LMF1: variants seen among roughly 807,000 people sequenced by gnomAD.
LMF1 encodes lipase maturation factor 1.
Under a neutral mutation model 60.6 loss-of-function variants are expected in LMF1, and 68 were observed. That is an observed-to-expected ratio of 1.12 (90% CI 0.92 to 1.37). LMF1 has a LOEUF of 1.37. LMF1 is among the 40% of genes most tolerant of loss of function. The pLI, the probability that LMF1 is intolerant of heterozygous loss-of-function variation, is 0.00. For synonymous variants in LMF1, 418 were observed against 324.7 expected (o/e 1.29, Z -3.09); for missense variants, 948 against 767.2 (o/e 1.24, Z -2.78).
At chr16:930,235 C>T (rs940474190) in intron 3 of LMF1, among the ~76,000 whole-genome samples, 14 of 140,088 alleles carry the variant, frequency 1.0e-4, no homozygotes, top group African/African-American at 3.3e-4. Context: ...ACACAGAGCC[C>T]AGGACAGCAG....
chr16:870,150 C>A (rs2069739596), intron 8 of LMF1, 84 bp from the exon 9 acceptor site: 1 of 1,445,742 alleles, frequency 6.9e-7, no homozygotes, highest in South Asian at 1.3e-5. Context: ...GGTTCCCCGA[C>A]TGTCCATCCT....
intron 2 of LMF1, among the ~76,000 whole-genome samples, chr16:936,135 G>A (rs1257006860): frequency 6.7e-6 from 1 of 149,214 alleles, no homozygotes; most frequent in Non-Finnish European, 1.5e-5. Context: ...GGGAGAGAGG[G>A]CACCCCGTGG....
intron 10 of LMF1, chr16:855,141 T>A: frequency 3.6e-6 from 1 of 274,592 alleles, no homozygotes; most frequent in Non-Finnish European, 7.2e-6. Flanking sequence ...ATCAGGCCAG[T>A]CCTGGCGCAA....
chr16:978,259 C>T (rs900488900), intron 1 of LMF1, among the ~76,000 whole-genome samples: 4 of 149,718 alleles, frequency 2.7e-5, no homozygotes, highest in Non-Finnish European at 4.5e-5. Flanking sequence ...ATACACGCAC[C>T]ATACACACTA....
At chr16:913,104 G>T (rs4984716) in intron 3 of LMF1, among the ~76,000 whole-genome samples, 1 of 152,088 alleles carries the variant, frequency 6.6e-6, no homozygotes, top group African/African-American at 2.4e-5. Flanking sequence ...AGCTGCACGC[G>T]CTGCCTGCTG....
At position 954,935 on chromosome 16, in the gene LMF1, C is replaced by T. The variant is rs71384617; in HGVS notation, c.194-269G>A. On this transcript the variant is annotated intron_variant, in intron 1 of 10. Transcript: ENST00000262301. The stretch of plus-strand genomic sequence containing the variant: ...AGACACGTTACATAAAATGCGTGCC[C>T]GCAGCAGACGCGGTGTGTGCATCCA... Among the ~76,000 whole-genome samples, 36,492 of 97,758 alleles carry T rather than the reference C, an allele frequency of 0.37. 8,761 individuals carry two copies. Among genetic ancestry groups the T allele is most frequent in the African/African-American group, 0.66 (15,073 of 22,830 alleles). 64.1% of individuals were successfully genotyped at this position (97,758 alleles called of 152,430 possible). A position where few individuals can be genotyped will look rare whatever the true frequency, so the allele number is the denominator to read the frequency against.
intron 10 of LMF1, among the ~76,000 whole-genome samples, chr16:863,985 C>T (rs1482247335): frequency 1.3e-5 from 2 of 152,078 alleles, no homozygotes; most frequent in Admixed American, 6.5e-5. Context: ...GATGATGGTG[C>T]TCCTTTATGT....
chr16:939,804 CAG>C (rs2072046759), intron 2 of LMF1, among the ~76,000 whole-genome samples: 1 of 152,184 alleles, frequency 6.6e-6, no homozygotes, highest in Non-Finnish European at 1.5e-5. Context: ...AGTGACCAGA[CAG>C]GGAATAAAAC....
At chr16:894,816 T>C (rs1277968991) in intron 4 of LMF1, among the ~76,000 whole-genome samples, 1 of 152,190 alleles carries the variant, frequency 6.6e-6, no homozygotes, top group Non-Finnish European at 1.5e-5. Context: ...GTGGGCGTGC[T>C]GGGGTGTCGG....
At chr16:871,881 A>C (rs2069805671) in intron 6 of LMF1, 1 of 153,118 alleles carries the variant, frequency 6.5e-6, no homozygotes, top group Non-Finnish European at 1.5e-5. Context: ...TGTGCCACAG[A>C]GATGAACAGC....
intron 2 of LMF1, among the ~76,000 whole-genome samples, chr16:952,351 G>C (rs1438889867): frequency 6.6e-6 from 1 of 150,852 alleles, no homozygotes; most frequent in Non-Finnish European, 1.5e-5. Flanking sequence ...AGCCCTCCCT[G>C]CATGAGCCTG....
At chr16:968,858 G>A (rs2072980167) in intron 1 of LMF1, 1 of 152,182 alleles carries the variant, frequency 6.6e-6, no homozygotes, top group African/African-American at 2.4e-5. Flanking sequence ...CTGTGCTCCG[G>A]AGGCAAGGCC....
chr16:924,285 G>A (rs748757860), intron 3 of LMF1, among the ~76,000 whole-genome samples: 11 of 152,210 alleles, frequency 7.2e-5, no homozygotes, highest in Non-Finnish European at 1.2e-4. Flanking sequence ...AAATACCAGA[G>A]TTAAGTGCAG....
At chr16:892,336 G>A (rs1386646582) in intron 5 of LMF1, among the ~76,000 whole-genome samples, 1 of 152,224 alleles carries the variant, frequency 6.6e-6, no homozygotes, top group African/African-American at 2.4e-5. Flanking sequence ...CACGGGCCCA[G>A]GGTGGGGATG....
At chr16:893,298 C>T (rs1375999348) in intron 4 of LMF1, 13 of 635,154 alleles carry the variant, frequency 2.0e-5, no homozygotes, top group Admixed American at 1.1e-4. Flanking sequence ...ACACCGCGGG[C>T]GTGAGCAACA....
rs117150036 is a variant in LMF1 at position 954,449 on chromosome 16, C to T, written c.411G>A (p.Ser137=). The change falls in exon 2 of 11, where the codon TCG becomes TCA. Residue 137 remains serine (S), a synonymous_variant. Coordinates refer to ENST00000262301, the MANE Select transcript of LMF1 (RefSeq NM_022773.4). ...DLLALLGLGI[S]SFVLITGCAN... ...CGCAGCCCGTGATCAGTACGAAAGA[C>T]GAGATGCCCAGTCCGAGAAGAGCCA... The T allele has an allele frequency of 0.018, 28,612 of 1,612,846 alleles. 291 individuals carry two copies. Among genetic ancestry groups the T allele is most frequent in the Non-Finnish European group, 0.022 (25,684 of 1,179,552 alleles).
intron 6 of LMF1, among the ~76,000 whole-genome samples, chr16:876,368 G>C (rs904998682): frequency 6.6e-6 from 1 of 152,238 alleles, no homozygotes; most frequent in Non-Finnish European, 1.5e-5. Context: ...AAGCGACTCT[G>C]CATGAAGCTG....
intron 5 of LMF1, chr16:885,229 A>G (rs1043688245): frequency 3.9e-5 from 6 of 152,278 alleles, no homozygotes; most frequent in African/African-American, 1.4e-4. Context: ...CACCACACAA[A>G]TAAGACAAAA....
At chr16:868,361 C>G (rs2069671277) in intron 10 of LMF1, among the ~76,000 whole-genome samples, 1 of 152,214 alleles carries the variant, frequency 6.6e-6, no homozygotes, top group Non-Finnish European at 1.5e-5. Context: ...TGCACCCCAG[C>G]TCCCCTGCGT....
Sources: gnomAD v4.1 joint callset for allele counts (sites outside exome capture counted in the v4.1 genomes callset) on GRCh38, gnomAD v4.1.1 for gene constraint, MANE v1.5 for transcripts, NCBI Gene and HGNC (gene_info 2026-07-23, HGNC 2026-07-21) for gene names.